The following ARID1B variants were observed in gnomAD, a reference collection of about 807,000 sequenced individuals.
ARID1B encodes AT-rich interaction domain 1B, also known as AT-rich interactive domain-containing protein 1B.
Under a neutral mutation model 212.3 loss-of-function variants are expected in ARID1B, and 30 were observed. That is an observed-to-expected ratio of 0.14 (90% CI 0.11 to 0.19). The LOEUF (loss-of-function observed/expected upper bound fraction) is 0.19, where lower values mean the gene tolerates loss of function less well. Ranked by LOEUF, ARID1B falls within the 10% of genes least tolerant of loss-of-function variation. The pLI is 1.00. For missense variants in ARID1B, 2,891 were observed against 3,204.0 expected, an observed-to-expected ratio of 0.90 and a Z score of 2.36; for synonymous variants, 1,402 against 1,301.7, an observed-to-expected ratio of 1.08 and a Z score of -1.66.
chr6:157,123,511 G>C (rs1194521584), intron 6 of ARID1B, among the ~76,000 whole-genome samples: 2 of 152,222 alleles, frequency 1.3e-5, no homozygotes, highest in Non-Finnish European at 2.9e-5. Flanking sequence ...GGAGGCGTGG[G>C]ACAGGCAGGC....
chr6:156,861,911 G>C (rs1219720858), intron 2 of ARID1B, among the ~76,000 whole-genome samples: 1 of 152,192 alleles, frequency 6.6e-6, no homozygotes, highest in Non-Finnish European at 1.5e-5. Flanking sequence ...CCAAAAGGGA[G>C]GTAGGACTGA....
At chr6:157,073,663 G>A (rs190504120) in intron 4 of ARID1B, among the ~76,000 whole-genome samples, 197 of 152,340 alleles carry the variant, frequency 1.3e-3, no homozygotes, top group African/African-American at 4.5e-3. Flanking sequence ...GTGAAATTAA[G>A]TATTCTCAGT....
At chr6:157,166,146 C>G (rs1791308743) in intron 8 of ARID1B, 1 of 152,154 alleles carries the variant, frequency 6.6e-6, no homozygotes, top group Non-Finnish European at 1.5e-5. Context: ...GCTATCATTT[C>G]TGTTTTTAGG....
At chr6:156,788,029 T>C (rs1779761411) in intron 1 of ARID1B, among the ~76,000 whole-genome samples, 1 of 152,126 alleles carries the variant, frequency 6.6e-6, no homozygotes, top group South Asian at 2.1e-4. Context: ...TGCCTTCCCA[T>C]GTGGGGCTTG....
chr6:156,842,619 A>G (rs1472562959), intron 2 of ARID1B, among the ~76,000 whole-genome samples: 1 of 152,246 alleles, frequency 6.6e-6, no homozygotes, highest in African/African-American at 2.4e-5. Flanking sequence ...TATTTTGAGT[A>G]TATACCTAGG....
chr6:157,203,398 T>C lies in ARID1B; in HGVS notation c.5264-468T>C, dbSNP rs1794238089. On this transcript the variant is annotated intron_variant, in intron 18 of 19. Transcript: ENST00000636930. This position sits in a 1 kb window ranked among gnomAD's most constrained non-coding sequence, Gnocchi z 4.4. The stretch of plus-strand genomic sequence containing the variant: ...GCCAAGGCCGTGTGTCTGAGGAGGC[T>C]GTCTTGGAGTTAAATTTTGCTTCCA... Among the ~76,000 whole-genome samples, 1 of 152,238 alleles carries C rather than the reference T, an allele frequency of 6.6e-6. No individual in the cohort carries two copies. Among genetic ancestry groups the C allele is most frequent in the Non-Finnish European group, 1.5e-5 (1 of 68,036 alleles).
chr6:156,808,447 G>A (rs907019115), intron 1 of ARID1B, among the ~76,000 whole-genome samples: 1 of 152,260 alleles, frequency 6.6e-6, no homozygotes, highest in Admixed American at 6.5e-5. Context: ...CCTATCACGT[G>A]GTGCTCTTGT....
At position 156,955,850 on chromosome 6, in the gene ARID1B, G is replaced by A. The variant is rs1793927631; in HGVS notation, c.2247+20274G>A. Among the ~76,000 whole-genome samples the A allele has an allele frequency of 6.6e-6, 1 of 152,126 alleles. No individual in the cohort carries two copies. Among genetic ancestry groups the A allele is most frequent in the South Asian group, 2.1e-4 (1 of 4,812 alleles). On this transcript the variant is annotated intron_variant, in intron 4 of 19. Coordinates refer to ENST00000636930, the MANE Select transcript of ARID1B (RefSeq NM_001374828.1). The surrounding 1 kb of genome is among the most constrained non-coding windows in gnomAD (Gnocchi z 4.2). ...CAGGGGCCTAAGATTTTAGGGAGGAGGGCTGTTGGTCTCAGAAACCCTATC... is the reference window on the plus strand; with the variant it reads ...CAGGGGCCTAAGATTTTAGGGAGGAAGGCTGTTGGTCTCAGAAACCCTATC...
At chr6:156,976,030 A>G (rs944048067) in intron 4 of ARID1B, among the ~76,000 whole-genome samples, 2 of 152,130 alleles carry the variant, frequency 1.3e-5, no homozygotes, top group South Asian at 4.2e-4. Context: ...TACAAAGTAC[A>G]TTCACAAGGA....
At chr6:156,888,842 G>T (rs1787716933) in intron 2 of ARID1B, among the ~76,000 whole-genome samples, 1 of 152,168 alleles carries the variant, frequency 6.6e-6, no homozygotes, top group African/African-American at 2.4e-5. Context: ...ACGAAGTCAT[G>T]TTGATGCATT....
intron 1 of ARID1B, among the ~76,000 whole-genome samples, chr6:156,788,472 C>G (rs955621043): frequency 1.3e-5 from 2 of 152,198 alleles, no homozygotes; most frequent in African/African-American, 4.8e-5. Flanking sequence ...AACAATCATT[C>G]CTCTGTTATA....
In ARID1B at chr6:156,906,284, A is replaced by G. The variant is rs1218790698; in HGVS notation, c.2136+4759A>G. 2.6e-5 allele frequency among the ~76,000 whole-genome samples: 4 copies of G among 151,990 alleles called. No homozygotes were observed. The East Asian group carries it at 7.8e-4, about 30-fold the overall frequency. ...TTGGTAAAGAAGCACCAGCCACCTC[A>G]TGCCTGTAATCCCAGCACTTTGGGA... On this transcript the variant is annotated intron_variant, in intron 3 of 19. Coordinates refer to ENST00000636930, the MANE Select transcript of ARID1B (RefSeq NM_001374828.1).
At chr6:157,070,739 A>G (rs1783959290) in intron 4 of ARID1B, among the ~76,000 whole-genome samples, 1 of 152,246 alleles carries the variant, frequency 6.6e-6, no homozygotes. Flanking sequence ...TTGCTAGATT[A>G]GGAACAGTTT....
At chr6:157,143,921 A>G (rs557971397) in intron 7 of ARID1B, among the ~76,000 whole-genome samples, 1 of 152,348 alleles carries the variant, frequency 6.6e-6, no homozygotes, top group African/African-American at 2.4e-5. Flanking sequence ...ATTGGAGAGA[A>G]ATAGATTGGC....
At chr6:156,996,147 A>T (rs1778575726) in intron 4 of ARID1B, among the ~76,000 whole-genome samples, 1 of 152,170 alleles carries the variant, frequency 6.6e-6, no homozygotes, top group Non-Finnish European at 1.5e-5. Context: ...ATTTTTCTTA[A>T]TTTTTTTCAA....
intron 4 of ARID1B, chr6:157,036,664 G>T (rs1329526904): frequency 5.8e-6 from 2 of 344,694 alleles, no homozygotes; most frequent in Non-Finnish European, 1.2e-5. Flanking sequence ...TGGGATTTCA[G>T]CCCAGCTCTT....
Position 157,114,680 on chromosome 6 carries a change from A to G in ARID1B, c.2581+4119A>G, listed in dbSNP as rs189459705. On this transcript the variant is annotated intron_variant, in intron 6 of 19. Coordinates refer to ENST00000636930, the MANE Select transcript of ARID1B (RefSeq NM_001374828.1). ...GTTTGTTTTAATAAATAAGATTCTG[A>G]TAATATAGTAATAGTCCACCATATA... Among the ~76,000 whole-genome samples the G allele has an allele frequency of 5.8e-3, 885 of 152,276 alleles. 8 individuals are homozygous for G. Among genetic ancestry groups the G allele is most frequent in the African/African-American group, 0.02 (848 of 41,552 alleles).
chr6:157,056,737 T>C (rs1236329111), intron 4 of ARID1B, among the ~76,000 whole-genome samples: 1 of 152,190 alleles, frequency 6.6e-6, no homozygotes, highest in African/African-American at 2.4e-5. Flanking sequence ...TTTTAAACAT[T>C]TTGATGTTTA....
intron 4 of ARID1B, among the ~76,000 whole-genome samples, chr6:157,062,284 A>G (rs1013359700): frequency 3.3e-5 from 5 of 151,750 alleles, no homozygotes; most frequent in East Asian, 1.9e-4. Context: ...GCAGCCTCCA[A>G]CTGCTGGGCT....
Sources: allele counts gnomAD v4.1 joint callset (sites outside exome capture counted in the v4.1 genomes callset), GRCh38; gene constraint gnomAD v4.1.1; non-coding constraint Gnocchi (gnomAD v3.1); transcripts MANE v1.5; gene names NCBI Gene and HGNC (gene_info 2026-07-23, HGNC 2026-07-21).